The following CHD1L variants were observed in gnomAD, a reference collection of about 807,000 sequenced individuals.
CHD1L encodes the protein ATP-dependent chromatin remodeler CHD1L.
A neutral mutation model predicts 115.9 loss-of-function variants in CHD1L; 118 were observed. The ratio of observed to expected loss-of-function variants is 1.02; its 90% CI spans 0.88 to 1.19. The LOEUF is 1.19. Among genes scored for constraint, CHD1L ranks in the 50% most tolerant of loss-of-function variants. The pLI, the probability that CHD1L is intolerant of heterozygous loss-of-function variation, is 0.00. For missense variants in CHD1L, 1,179 were observed against 1,065.3 expected, an observed-to-expected ratio of 1.11 and a Z score of -1.49; for synonymous variants, 411 against 387.1, an observed-to-expected ratio of 1.06 and a Z score of -0.72.
chr1:147,261,844 G>A (rs1672044096), intron 6 of CHD1L, among the ~76,000 whole-genome samples: 1 of 152,098 alleles, frequency 6.6e-6, no homozygotes, highest in Admixed American at 6.5e-5. Flanking sequence ...GGCTGAGATG[G>A]GGAGGGGGAT....
rs1208489356 is a variant in CHD1L, at chr1:147,256,519, C to G, written c.463-12C>G. 3.7e-6 allele frequency: 6 copies of G among 1,612,582 alleles called. No homozygotes were observed. The highest frequency in any genetic ancestry group is 4.2e-6 in the Non-Finnish European group (5 of 1,178,696). ...ATGCCAGCCTTTATAACGTGTCTTC[C>G]TAATTTTTCAGATTTGCTTGAAAGA... On this transcript the variant is annotated splice_polypyrimidine_tract_variant and intron_variant, in intron 4 of 22. Coordinates refer to ENST00000369258, the MANE Select transcript of CHD1L (RefSeq NM_004284.6).
rs1553946435 is a variant in CHD1L at position 147,264,410 on chromosome 1, T to A, written c.577-12T>A. 35 of 1,567,422 alleles carry A rather than the reference T, an allele frequency of 2.2e-5. No individual in the cohort carries two copies. The highest frequency in any genetic ancestry group is 2.9e-5 in the Non-Finnish European group (34 of 1,155,638). Reference sequence around the variant, plus strand: ...TTATGGAATTTTTATTTTATTTATTTATGTATTTGAGTTCTCAGTAGTCTT... The same window carrying A: ...TTATGGAATTTTTATTTTATTTATTAATGTATTTGAGTTCTCAGTAGTCTT... On this transcript the variant is annotated splice_polypyrimidine_tract_variant and intron_variant, in intron 6 of 22. Transcript: ENST00000369258.
intron 15 of CHD1L, among the ~76,000 whole-genome samples, chr1:147,281,032 CTT>C: frequency 6.6e-6 from 1 of 152,232 alleles, no homozygotes; most frequent in East Asian, 1.9e-4. Flanking sequence ...TTGTAGTTCT[CTT>C]TTGTTTCTAT....
chr1:147,179,441 C>G, the CHD1L span: 2 of 1,593,022 alleles, frequency 1.3e-6, no homozygotes, highest in Admixed American at 3.3e-5. Context: ...GATGTGCCTT[C>G]TCCATATGAA....
At chr1:147,292,517 T>G (rs587769001) in intron 20 of CHD1L, among the ~76,000 whole-genome samples, 19 of 152,292 alleles carry the variant, frequency 1.2e-4, no homozygotes, top group African/African-American at 4.6e-4. Flanking sequence ...TGTGACTGTG[T>G]TAGGCTGTTT....
At chr1:147,224,674 T>C in the CHD1L span, among the ~76,000 whole-genome samples, 5 of 152,068 alleles carry the variant, frequency 3.3e-5, no homozygotes, top group East Asian at 9.7e-4. Context: ...CACGCCCGGC[T>C]AATTTTTTTG....
In CHD1L at chr1:147,287,729, G is replaced by T. The variant is rs782450061; in HGVS notation, c.2316G>T (p.Met772Ile). ...AAATATATGAGCTGGCTGGGAAAAT[G>T]AAAGGTAAGAAGCAAAGCAGAGGGA... ...PRKIYELAGK[M>I]KDLSLGGVLL... Residue 772 changes from methionine (M) to isoleucine (I), a missense_variant, in exon 19 of 23, where the codon ATG becomes ATT. Coordinates refer to ENST00000369258, the MANE Select transcript of CHD1L (RefSeq NM_004284.6). The T allele has an allele frequency of 6.2e-7, 1 of 1,613,576 alleles. No individual in the cohort carries two copies. Among genetic ancestry groups the T allele is most frequent in the South Asian group, 1.1e-5 (1 of 91,036 alleles).
At chr1:147,219,382 G>T in the CHD1L span, among the ~76,000 whole-genome samples, 2 of 152,022 alleles carry the variant, frequency 1.3e-5, no homozygotes, top group Non-Finnish European at 2.9e-5. Context: ...TAAGGCAGTA[G>T]GATTGCTTTC....
chr1:147,188,749 A>G, the CHD1L span, among the ~76,000 whole-genome samples: 1 of 150,888 alleles, frequency 6.6e-6, no homozygotes, highest in East Asian at 1.9e-4. Flanking sequence ...ATAAATATTT[A>G]CTATTTCAGA....
chr1:147,287,783 G>A, intron 19 of CHD1L, 50 bp downstream of exon 19: 2 of 1,470,638 alleles, frequency 1.4e-6, no homozygotes, highest in African/African-American at 1.4e-5. Flanking sequence ...AGAGAGAAGA[G>A]GACACCTAAG....
At chr1:147,289,359 G>T (rs1289898744) in intron 19 of CHD1L, among the ~76,000 whole-genome samples, 2 of 152,194 alleles carry the variant, frequency 1.3e-5, no homozygotes, top group Non-Finnish European at 2.9e-5. Flanking sequence ...AGGGAACCTT[G>T]TGCGGTATTT....
the CHD1L span, among the ~76,000 whole-genome samples, chr1:147,233,438 C>T: frequency 1.3e-3 from 162 of 125,486 alleles, no homozygotes; most frequent in Non-Finnish European, 1.9e-3. Flanking sequence ...TCAGCCCCCC[C>T]GCCCGGCCAG....
intron 1 of CHD1L, among the ~76,000 whole-genome samples, chr1:147,249,138 TC>T (rs1553935105): frequency 6.6e-6 from 1 of 152,190 alleles, no homozygotes; most frequent in Admixed American, 6.5e-5. Flanking sequence ...CTCTTTGTTT[TC>T]CTTCATCTGA....
Position 147,278,222 on chromosome 1 carries a change from G to GTTTTTTTTTT in CHD1L, c.1540-1792_1540-1783dup, listed in dbSNP as rs71083825. Among the ~76,000 whole-genome samples, 17 of 91,130 alleles carry GTTTTTTTTTT rather than the reference G, an allele frequency of 1.9e-4. 2 individuals are homozygous for GTTTTTTTTTT. Among genetic ancestry groups the GTTTTTTTTTT allele is most frequent in the African/African-American group, 2.7e-4 (6 of 22,048 alleles). 59.8% of individuals were successfully genotyped at this position (91,130 alleles called of 152,430 possible). A position where few individuals can be genotyped will look rare whatever the true frequency, so the allele number is the denominator to read the frequency against. ...ATTTTTGTTTGTTTTTGTTTTTTGG[G>GTTTTTTTTTT]TTTTTTTTTTTTTTTTTTTTTGAGA... On this transcript the variant is annotated intron_variant, in intron 14 of 22. Transcript: ENST00000369258.
At chr1:147,194,212 T>G in the CHD1L span, among the ~76,000 whole-genome samples, 1 of 152,274 alleles carries the variant, frequency 6.6e-6, no homozygotes, top group Admixed American at 6.5e-5. Context: ...GCATATATAT[T>G]TAGGATAGTT....
the CHD1L span, among the ~76,000 whole-genome samples, chr1:147,191,939 TAGCGTGATGCCTCC>T: frequency 5.9e-5 from 9 of 152,092 alleles, no homozygotes; most frequent in Non-Finnish European, 1.0e-4. Context: ...TGAAGTCAGG[TAGCGTGATGCCTCC>T]AGCTTTGTTC....
At chr1:147,190,387 G>C in the CHD1L span, 2 of 575,204 alleles carry the variant, frequency 3.5e-6, no homozygotes, top group African/African-American at 1.9e-5. Flanking sequence ...CAATTCACTT[G>C]ATCACCTTAC....
At chr1:147,210,396 T>C in the CHD1L span, 1 of 152,256 alleles carries the variant, frequency 6.6e-6, no homozygotes, top group African/African-American at 2.4e-5. Context: ...TGAAACTCTC[T>C]GGAGATGGCT....
chr1:147,186,175 C>T, the CHD1L span: 2 of 229,542 alleles, frequency 8.7e-6, no homozygotes, highest in Admixed American at 6.5e-5. Flanking sequence ...AAAGGTAGGA[C>T]AGCTAATTTA....
Sources: allele counts gnomAD v4.1 joint callset (sites outside exome capture counted in the v4.1 genomes callset), GRCh38; gene constraint gnomAD v4.1.1; transcripts MANE v1.5; gene names NCBI Gene and HGNC (gene_info 2026-07-23, HGNC 2026-07-21).